NDUFS1: variants seen among roughly 807,000 people sequenced by gnomAD.
NDUFS1 encodes the protein NADH:ubiquinone oxidoreductase core subunit S1, also known as NADH-ubiquinone oxidoreductase 75 kDa subunit, mitochondrial.
Under a neutral mutation model 84.4 loss-of-function variants are expected in NDUFS1, and 61 were observed. The observed-to-expected ratio is 0.72, with a 90% CI of 0.59 to 0.89. The LOEUF is 0.89. NDUFS1 is among the 40% of genes least tolerant of loss of function. The probability of loss-of-function intolerance (pLI) is 0.00; values close to 1 mark genes in which losing one functional copy is unlikely to be tolerated. For synonymous variants in NDUFS1, 275 were observed against 290.0 expected (o/e 0.95, Z 0.53); for missense variants, 891 against 890.0 (o/e 1.00, Z -0.01).
intron 12 of NDUFS1, 67 bp downstream of exon 12, chr2:206,141,874 T>C (rs527697315): frequency 3.8e-5 from 54 of 1,414,670 alleles, no homozygotes; most frequent in Admixed American, 7.1e-5. Flanking sequence ...GAAGATGCCA[T>C]TTTTCACATA....
intron 7 of NDUFS1, 59 bp downstream of exon 7, chr2:206,147,472 T>C: frequency 6.7e-7 from 1 of 1,502,688 alleles, no homozygotes; most frequent in South Asian, 1.2e-5. Flanking sequence ...ATTCATCAAA[T>C]TGTGACTATT....
chr2:206,140,623 G>A (rs1242794516), intron 12 of NDUFS1, among the ~76,000 whole-genome samples: 1 of 151,886 alleles, frequency 6.6e-6, no homozygotes, highest in East Asian at 1.9e-4. Flanking sequence ...TGGGATTACA[G>A]GCATGCGCCA....
chr2:206,143,762 T>C (rs941370678), intron 10 of NDUFS1, among the ~76,000 whole-genome samples: 14 of 152,182 alleles, frequency 9.2e-5, no homozygotes, highest in African/African-American at 3.1e-4. Context: ...TAGCTGCATA[T>C]AATAATTGCT....
intron 8 of NDUFS1, among the ~76,000 whole-genome samples, chr2:206,145,421 G>C (rs1043768527): frequency 6.6e-6 from 1 of 152,062 alleles, no homozygotes; most frequent in South Asian, 2.1e-4. Context: ...CACTGCTCCC[G>C]GCACACCCAC....
At position 206,149,841 on chromosome 2, in the gene NDUFS1, C is replaced by A; in HGVS notation, c.238G>T (p.Val80Phe). The change falls in exon 4 of 19, where the codon GTT (valine) becomes TTT (phenylalanine). Residue 80 changes from valine to phenylalanine, a missense_variant. By Grantham distance (50) the Val-to-Phe change is conservative. Coordinates refer to ENST00000233190, the MANE Select transcript of NDUFS1 (RefSeq NM_005006.7). ...ACCTTAGGGGCTTTCTCAATTTCAA[C>A]AAGGCACATCCTGCAGTTTCCAGCA... Reference protein sequence around the residue: ...SVAGNCRMCLVEIEKAPKVVA... With the variant: ...SVAGNCRMCLFEIEKAPKVVA... 6.2e-7 allele frequency: 1 copy of A among 1,600,286 alleles called. No individual in the cohort carries two copies. The highest frequency in any genetic ancestry group is 8.5e-7 in the Non-Finnish European group (1 of 1,173,702).
chr2:206,131,160 A>T (rs561655760), intron 14 of NDUFS1, among the ~76,000 whole-genome samples: 286 of 152,316 alleles, frequency 1.9e-3, no homozygotes, highest in African/African-American at 6.5e-3. Context: ...AACAAGTTGG[A>T]AGCATGCTTC....
intron 14 of NDUFS1, among the ~76,000 whole-genome samples, chr2:206,131,584 C>G (rs1691512194): frequency 6.6e-6 from 1 of 152,050 alleles, no homozygotes; most frequent in Non-Finnish European, 1.5e-5. Context: ...GGCAGATCAC[C>G]TGAGGTCAGG....
Position 206,138,601 on chromosome 2 carries a change from C to A in NDUFS1, c.1276G>T (p.Asp426Tyr). The stretch of plus-strand genomic sequence containing the variant: ...CTGCCTATAAGGGCCACTTTTAAGT[C>A]ATTATGCAGCCAGCTGAAATAAAAA... Reference protein sequence around the residue: ...ARIRKSWLHNDLKVALIGSPV... With the variant: ...ARIRKSWLHNYLKVALIGSPV... Residue 426 changes from aspartate to tyrosine, a missense_variant, in exon 13 of 19, where the codon GAC (aspartate) becomes TAC (tyrosine). Physicochemically the swap from Asp to Tyr is radical, Grantham distance 160. Transcript: ENST00000233190. 1 of 1,613,952 alleles carries A rather than the reference C, an allele frequency of 6.2e-7. No homozygotes were observed. Among genetic ancestry groups the A allele is most frequent in the South Asian group, 1.1e-5 (1 of 91,062 alleles).
At position 206,143,837 on chromosome 2, in the gene NDUFS1, T is replaced by C. The variant is rs76391030; in HGVS notation, c.987+181A>G. On this transcript the variant is annotated intron_variant, in intron 10 of 18. Coordinates refer to ENST00000233190, the MANE Select transcript of NDUFS1 (RefSeq NM_005006.7). Reference sequence around the variant, plus strand: ...AGGAATGATGTGTCTCTGGTCTTTATATCCCTTAATAGCATAATATCTAGC... The same window carrying C: ...AGGAATGATGTGTCTCTGGTCTTTACATCCCTTAATAGCATAATATCTAGC... 3.0e-3 allele frequency among the ~76,000 whole-genome samples: 458 copies of C among 151,748 alleles called. 3 individuals carry two copies. Among genetic ancestry groups the C allele is most frequent in the African/African-American group, 0.011 (440 of 41,008 alleles).
At chr2:206,145,116 T>A in intron 8 of NDUFS1, 90 bp from the exon 9 acceptor site, 2 of 1,250,674 alleles carry the variant, frequency 1.6e-6, no homozygotes, top group Non-Finnish European at 2.2e-6. Flanking sequence ...TTTTTACAAT[T>A]AATTCCCTTT....
At chr2:206,124,376 T>A (rs936685276) in intron 18 of NDUFS1, 100 bp from the exon 19 acceptor site, 3 of 852,912 alleles carry the variant, frequency 3.5e-6, no homozygotes, top group Non-Finnish European at 5.9e-6. Flanking sequence ...AAAAAGATTA[T>A]AAGGCCCTAT....
Position 206,122,481 on chromosome 2 carries a change from T to C in NDUFS1, c.*1704A>G, listed in dbSNP as rs1468513798. ...CTGTCTCTACTAAAAATACAAAAAT[T>C]AGCCAGGTGTGGTGGCGTGCGCTTG... On this transcript the variant is annotated 3_prime_UTR_variant, in exon 19 of 19. Transcript: ENST00000233190. 6.6e-6 allele frequency: 1 copy of C among 151,400 alleles called. No homozygotes were observed. The highest frequency in any genetic ancestry group is 1.5e-5 in the Non-Finnish European group (1 of 67,918). 9.4% of individuals were successfully genotyped at this position (151,400 alleles called of 1,614,324 possible). A position where few individuals can be genotyped will look rare whatever the true frequency, so the allele number is the denominator to read the frequency against.
At position 206,121,033 on chromosome 2, in the gene NDUFS1, A is replaced by G. The variant is rs73065781; in HGVS notation, c.*3152T>C. The G allele has an allele frequency of 1.3e-5, 2 of 152,236 alleles. No homozygotes were observed. The highest frequency in any genetic ancestry group is 4.8e-5 in the African/African-American group (2 of 41,452). The allele number at this position is 152,236 out of a possible 1,614,324, so 9.4% of individuals were successfully genotyped here. ...ATTAGTATCTAGCTGTGTAGCCATA[A>G]ATAAGTTATTTGATATTTCTTGAGT... On this transcript the variant is annotated 3_prime_UTR_variant, in exon 19 of 19. Transcript: ENST00000233190.
chr2:206,133,127 T>A, intron 13 of NDUFS1, 22 bp from the exon 14 acceptor site: 1 of 1,555,822 alleles, frequency 6.4e-7, no homozygotes, highest in Non-Finnish European at 8.8e-7. Context: ...AAAAAACAAC[T>A]TTGATTTTAA....
intron 1 of NDUFS1, chr2:206,158,988 C>T (rs771792442): frequency 4.0e-6 from 5 of 1,237,222 alleles, no homozygotes; most frequent in Non-Finnish European, 5.7e-6. Context: ...GTCTTAAGGC[C>T]TAAGTCATCG....
intron 13 of NDUFS1, among the ~76,000 whole-genome samples, chr2:206,137,209 A>G (rs1691750481): frequency 6.6e-6 from 1 of 152,112 alleles, no homozygotes; most frequent in African/African-American, 2.4e-5. Flanking sequence ...AATTTCAAGA[A>G]TGATAATCAG....
intron 15 of NDUFS1, 104 bp from the exon 16 acceptor site, chr2:206,128,076 A>G (rs942130584): frequency 6.0e-6 from 8 of 1,341,484 alleles, no homozygotes; most frequent in South Asian, 2.5e-5. Context: ...TTGTAAAGTC[A>G]CAAAAGTTTT....
intron 4 of NDUFS1, 36 bp from the exon 5 acceptor site, chr2:206,149,132 T>A: frequency 6.7e-7 from 1 of 1,490,788 alleles, no homozygotes; most frequent in Non-Finnish European, 9.3e-7. Flanking sequence ...TGTGTATTTG[T>A]ATTTATTTGT....
intron 12 of NDUFS1, among the ~76,000 whole-genome samples, chr2:206,139,955 G>T (rs1284751089): frequency 6.7e-6 from 1 of 148,744 alleles, no homozygotes; most frequent in Non-Finnish European, 1.5e-5. Context: ...AATGGATCCT[G>T]AGGAAACAAA....
Sources: allele counts gnomAD v4.1 joint callset (sites outside exome capture counted in the v4.1 genomes callset), GRCh38; gene constraint gnomAD v4.1.1; transcripts MANE v1.5; gene names NCBI Gene and HGNC (gene_info 2026-07-23, HGNC 2026-07-21).